MAST4: variants seen among roughly 807,000 people sequenced by gnomAD.
MAST4 encodes microtubule-associated serine/threonine-protein kinase 4.
MAST4 carries 89 observed loss-of-function variants against 162.7 expected under a neutral mutation model. The ratio of observed to expected loss-of-function variants is 0.55; its 90% confidence interval spans 0.46 to 0.65. The LOEUF is 0.65. MAST4 is among the 30% of genes least tolerant of loss of function. The pLI is 0.00. For synonymous variants in MAST4, 1,479 were observed against 1,361.1 expected (o/e 1.09, Z -1.91); for missense variants, 3,153 against 3,374.0 (o/e 0.93, Z 1.62).
chr5:67,032,318 G>A (rs1486760126), intron 4 of MAST4, among the ~76,000 whole-genome samples: 1 of 152,090 alleles, frequency 6.6e-6, no homozygotes, highest in Non-Finnish European at 1.5e-5. Context: ...TTTAAGAAAG[G>A]TTGGGTTTTA....
chr5:66,826,542 T>C (rs1757265821), intron 3 of MAST4, among the ~76,000 whole-genome samples: 1 of 152,150 alleles, frequency 6.6e-6, no homozygotes, highest in African/African-American at 2.4e-5. Flanking sequence ...CTACCTGTTT[T>C]GTTTTGTTCT....
intron 1 of MAST4, among the ~76,000 whole-genome samples, chr5:66,660,339 G>C (rs185105043): frequency 6.6e-6 from 1 of 152,214 alleles, no homozygotes; most frequent in African/African-American, 2.4e-5. Context: ...AGTCAGCCGA[G>C]ATCGCGCCAT....
chr5:66,744,830 T>G (rs987240119), intron 1 of MAST4, among the ~76,000 whole-genome samples: 2 of 152,206 alleles, frequency 1.3e-5, no homozygotes, highest in Admixed American at 1.3e-4. Context: ...AACATGAGAT[T>G]TGAGTGGGGA....
intron 2 of MAST4, among the ~76,000 whole-genome samples, chr5:66,767,482 C>T (rs1754154149): frequency 6.6e-6 from 1 of 151,934 alleles, no homozygotes; most frequent in South Asian, 2.1e-4. Flanking sequence ...ATATTGGCTG[C>T]ATGTGAGAGA....
chr5:67,080,979 T>C (rs1383526274), intron 5 of MAST4, among the ~76,000 whole-genome samples: 3 of 119,014 alleles, frequency 2.5e-5, no homozygotes, highest in Admixed American at 9.5e-5. Context: ...TATTATATAA[T>C]ATATATAATT....
chr5:66,713,546 A>G (rs1323949156), intron 1 of MAST4, among the ~76,000 whole-genome samples: 3 of 152,246 alleles, frequency 2.0e-5, no homozygotes, highest in African/African-American at 7.2e-5. Context: ...ATAATATTTT[A>G]CACTATGAAG....
intron 3 of MAST4, among the ~76,000 whole-genome samples, chr5:66,799,247 C>T (rs1755799757): frequency 6.6e-6 from 1 of 152,210 alleles, no homozygotes; most frequent in Non-Finnish European, 1.5e-5. Flanking sequence ...TGGACAATAC[C>T]TGTCTGTACT....
intron 4 of MAST4, among the ~76,000 whole-genome samples, chr5:66,942,369 T>A (rs77112741): frequency 0.012 from 1,875 of 152,294 alleles, 36 homozygotes; most frequent in African/African-American, 0.043. Flanking sequence ...TTTCTGATAG[T>A]ACCCATGGTA....
intron 2 of MAST4, among the ~76,000 whole-genome samples, chr5:66,775,938 C>T (rs1754580542): frequency 6.6e-6 from 1 of 152,136 alleles, no homozygotes; most frequent in Non-Finnish European, 1.5e-5. Flanking sequence ...TTACATTCTT[C>T]AGGTAGCATA....
intron 1 of MAST4, among the ~76,000 whole-genome samples, chr5:66,653,349 A>G (rs1431934389): frequency 6.6e-6 from 1 of 152,160 alleles, no homozygotes; most frequent in Non-Finnish European, 1.5e-5. Context: ...TTCCCTTGTC[A>G]GTACCTTAGC....
intron 23 of MAST4, among the ~76,000 whole-genome samples, chr5:67,147,305 T>C (rs1230624313): frequency 1.3e-5 from 2 of 152,138 alleles, no homozygotes; most frequent in African/African-American, 4.8e-5. Context: ...AAAATTAAAT[T>C]TGTTGATTTT....
chr5:67,167,074 CTG>C lies in MAST4; in HGVS notation c.*26_*27del. 6.5e-7 allele frequency: 1 copy of C among 1,539,352 alleles called. No individual in the cohort carries two copies. ...TAACGGGGAGGGCCCAGGGGCAGGA[CTG>C]TGGAGACCCGTCCTGAACGGGCGAC... On this transcript the variant is annotated 3_prime_UTR_variant, in exon 29 of 29. Coordinates refer to ENST00000403625, the MANE Select transcript of MAST4 (RefSeq NM_001164664.2).
In MAST4 at chr5:66,627,701, G is replaced by T. The variant is rs1454689502; in HGVS notation, c.363+30683G>T. Among the ~76,000 whole-genome samples the T allele has an allele frequency of 5.3e-5, 8 of 150,420 alleles. No individual in the cohort carries two copies. The Admixed American group carries it at 5.4e-4, about 10-fold the overall frequency. ...AGTATTATTAAAGAAAAAACTTCTAGCAAAAACTAGAGTTTATCTGTTAAA... is the reference window on the plus strand; with the variant it reads ...AGTATTATTAAAGAAAAAACTTCTATCAAAAACTAGAGTTTATCTGTTAAA... On this transcript the variant is annotated intron_variant, in intron 1 of 28. Coordinates refer to ENST00000403625, the MANE Select transcript of MAST4 (RefSeq NM_001164664.2).
chr5:66,742,847 C>CA, intron 1 of MAST4, among the ~76,000 whole-genome samples: 1 of 152,280 alleles, frequency 6.6e-6, no homozygotes. Flanking sequence ...AATGGTTGGT[C>CA]AGCTAATCAG....
chr5:66,972,892 A>G (rs574256822), intron 4 of MAST4, among the ~76,000 whole-genome samples: 3 of 152,196 alleles, frequency 2.0e-5, no homozygotes, highest in African/African-American at 4.8e-5. Flanking sequence ...CACTTCAAGC[A>G]TGTTCCTGTG....
chr5:66,839,621 A>C (rs1758276651), intron 3 of MAST4, among the ~76,000 whole-genome samples: 1 of 152,156 alleles, frequency 6.6e-6, no homozygotes, highest in Non-Finnish European at 1.5e-5. Flanking sequence ...TCCAACTTTG[A>C]CAACTTGCCT....
intron 1 of MAST4, among the ~76,000 whole-genome samples, chr5:66,709,319 A>G (rs1433620970): frequency 6.6e-6 from 1 of 152,150 alleles, no homozygotes; most frequent in East Asian, 1.9e-4. Flanking sequence ...TGAAGCATCA[A>G]AATGAATTTT....
At chr5:66,720,231 T>G (rs552442930) in intron 1 of MAST4, among the ~76,000 whole-genome samples, 5 of 152,184 alleles carry the variant, frequency 3.3e-5, no homozygotes, top group African/African-American at 1.2e-4. Flanking sequence ...TCTTGTGCAA[T>G]TTTTTGAAGT....
chr5:67,136,391 CT>C (rs1769648521), intron 18 of MAST4, among the ~76,000 whole-genome samples, 171 bp from the exon 19 acceptor site: 3 of 152,198 alleles, frequency 2.0e-5, no homozygotes, highest in African/African-American at 7.2e-5. Flanking sequence ...TCAAACATGA[CT>C]GTGTTTAGGA....
Sources: gnomAD v4.1 joint callset for allele counts (sites outside exome capture counted in the v4.1 genomes callset) on GRCh38, gnomAD v4.1.1 for gene constraint, MANE v1.5 for transcripts, NCBI Gene and HGNC (gene_info 2026-07-23, HGNC 2026-07-21) for gene names.